FBXO21: variants seen among roughly 807,000 people sequenced by gnomAD.
The protein encoded by FBXO21 is F-box protein 21.
A neutral mutation model predicts 76.6 loss-of-function variants in FBXO21; 32 were observed. The ratio of observed to expected loss-of-function variants is 0.42; its 90% CI spans 0.32 to 0.56. The LOEUF (loss-of-function observed/expected upper bound fraction) is 0.56. Ranked by LOEUF, FBXO21 falls within the 20% of genes least tolerant of loss-of-function variation. FBXO21 has a pLI of 0.16. For missense variants in FBXO21, 586 were observed against 797.3 expected (o/e 0.73, Z 3.19); for synonymous variants, 328 against 311.5 (o/e 1.05, Z -0.56).
intron 3 of FBXO21, among the ~76,000 whole-genome samples, chr12:117,179,167 T>C (rs961360979): frequency 6.6e-6 from 1 of 152,234 alleles, no homozygotes; most frequent in Non-Finnish European, 1.5e-5. Flanking sequence ...TTTTAACCTT[T>C]GAGTTGTAAA....
chr12:117,184,285 C>A (rs923492223), intron 3 of FBXO21, among the ~76,000 whole-genome samples: 1 of 152,044 alleles, frequency 6.6e-6, no homozygotes, highest in African/African-American at 2.4e-5. Flanking sequence ...TTGGGGAGAA[C>A]TGACATTTTT....
intron 3 of FBXO21, among the ~76,000 whole-genome samples, chr12:117,185,509 G>C (rs564913597): frequency 1.8e-4 from 28 of 152,216 alleles, no homozygotes; most frequent in Non-Finnish European, 3.2e-4. Flanking sequence ...AGGAAAGTTA[G>C]GCTGGAAGCC....
rs372253197 is a variant in FBXO21, at chr12:117,150,871, C to CTGTGTGTGTGTGTGTGTGTGTGTG, written c.1676-4618_1676-4595dup. On this transcript the variant is annotated intron_variant, in intron 11 of 11. Coordinates refer to ENST00000622495, the MANE Select transcript of FBXO21 (RefSeq NM_015002.3). Reference sequence around the variant, plus strand: ...GCCAGCAGGTACAGCTGGCCATGGACTGTGTGTGTGTGTGTGTGTGTGTGT... The same window carrying CTGTGTGTGTGTGTGTGTGTGTGTG: ...GCCAGCAGGTACAGCTGGCCATGGACTGTGTGTGTGTGTGTGTGTGTGTGTGTGTGTGTGTGTGTGTGTGTGTGT... Among the ~76,000 whole-genome samples the CTGTGTGTGTGTGTGTGTGTGTGTG allele has an allele frequency of 6.1e-3, 773 of 127,676 alleles. 22 individuals carry two copies. Among genetic ancestry groups the CTGTGTGTGTGTGTGTGTGTGTGTG allele is most frequent in the Admixed American group, 0.015 (179 of 12,042 alleles). The allele number at this position is 127,676 out of a possible 152,430, so 83.8% of individuals were successfully genotyped here.
chr12:117,171,157 C>T (rs565968345), intron 7 of FBXO21, among the ~76,000 whole-genome samples: 3 of 151,832 alleles, frequency 2.0e-5, no homozygotes, highest in South Asian at 4.2e-4. Flanking sequence ...TGAACTCAGG[C>T]GTTCAAGACT....
intron 11 of FBXO21, among the ~76,000 whole-genome samples, chr12:117,149,295 T>C (rs1023981908): frequency 6.6e-6 from 1 of 152,122 alleles, no homozygotes; most frequent in Admixed American, 6.5e-5. Context: ...CCACCACGCC[T>C]GGCCATGTTT....
At chr12:117,177,453 T>C in intron 4 of FBXO21, 67 bp downstream of exon 4, 1 of 1,490,376 alleles carries the variant, frequency 6.7e-7, no homozygotes, top group Non-Finnish European at 9.1e-7. Flanking sequence ...TTCCCTCTGC[T>C]GGTCTTAAAA....
At chr12:117,147,974 G>A (rs1308654103) in intron 11 of FBXO21, among the ~76,000 whole-genome samples, 2 of 152,226 alleles carry the variant, frequency 1.3e-5, no homozygotes, top group Non-Finnish European at 2.9e-5. Context: ...TGGGCTCACC[G>A]ACACGAACAG....
chr12:117,178,479 C>T (rs1956195890), intron 3 of FBXO21, among the ~76,000 whole-genome samples: 2 of 152,082 alleles, frequency 1.3e-5, no homozygotes, highest in Admixed American at 6.6e-5. Context: ...CAATCCTCGC[C>T]TCCAAGTCTC....
Position 117,143,914 on chromosome 12 carries a change from C to A in FBXO21, c.*2173G>T, listed in dbSNP as rs1468075567. 1 of 152,578 alleles carries A rather than the reference C, an allele frequency of 6.6e-6. No individual in the cohort carries two copies. Among genetic ancestry groups the A allele is most frequent in the Non-Finnish European group, 1.5e-5 (1 of 68,014 alleles). 9.5% of individuals were successfully genotyped at this position (152,578 alleles called of 1,614,324 possible). On this transcript the variant is annotated 3_prime_UTR_variant, in exon 12 of 12. Coordinates refer to ENST00000622495, the MANE Select transcript of FBXO21 (RefSeq NM_015002.3). ...TGAAAGTTCAACGTTTATAACAGGG[C>A]TTTTTAAAATGGAGAAAAGTTTTGG... is the stretch of plus-strand genomic sequence containing the variant.
intron 2 of FBXO21, among the ~76,000 whole-genome samples, chr12:117,187,713 T>G (rs564821792): frequency 2.6e-5 from 4 of 152,222 alleles, no homozygotes; most frequent in Non-Finnish European, 5.9e-5. Context: ...AGGCACAGAC[T>G]GTTCAAAACA....
At chr12:117,174,601 C>A in intron 5 of FBXO21, 50 bp downstream of exon 5, 1 of 1,585,174 alleles carries the variant, frequency 6.3e-7, no homozygotes, top group Admixed American at 1.8e-5. Flanking sequence ...TTAACCAATT[C>A]CTCTAGATTT....
chr12:117,146,902 A>G (rs557402972), intron 11 of FBXO21, among the ~76,000 whole-genome samples: 1 of 152,300 alleles, frequency 6.6e-6, no homozygotes, highest in South Asian at 2.1e-4. Flanking sequence ...ATCTCTTGGG[A>G]AAACCATGCT....
At chr12:117,167,251 A>C (rs1278537902) in intron 7 of FBXO21, among the ~76,000 whole-genome samples, 174 bp from the exon 8 acceptor site, 1 of 152,198 alleles carries the variant, frequency 6.6e-6, no homozygotes, top group Non-Finnish European at 1.5e-5. Flanking sequence ...TGCTAAGACC[A>C]CAGCACACTG....
intron 11 of FBXO21, among the ~76,000 whole-genome samples, chr12:117,151,765 C>G (rs555189560): frequency 2.0e-5 from 3 of 152,066 alleles, no homozygotes; most frequent in Admixed American, 1.3e-4. Context: ...AAGGGAGAGG[C>G]AGGGAGGAAG....
chr12:117,175,901 A>C (rs11068387), intron 4 of FBXO21, among the ~76,000 whole-genome samples: 30,051 of 152,194 alleles, frequency 0.2, 3,373 homozygotes, highest in East Asian at 0.41. Context: ...AAAATGAAAA[A>C]GGAGTATTTG....
At chr12:117,168,938 A>G (rs191603085) in intron 7 of FBXO21, among the ~76,000 whole-genome samples, 254 of 152,362 alleles carry the variant, frequency 1.7e-3, no homozygotes, top group African/African-American at 5.5e-3. Flanking sequence ...GCCTGAAGAC[A>G]GCTAAACCAT....
intron 10 of FBXO21, 78 bp from the exon 11 acceptor site, chr12:117,156,026 C>T: frequency 7.3e-7 from 1 of 1,374,390 alleles, no homozygotes; most frequent in Non-Finnish European, 1.0e-6. Flanking sequence ...GGCTTCTCAG[C>T]TCACATCCTC....
chr12:117,181,619 A>AG (rs1313838256), intron 3 of FBXO21, among the ~76,000 whole-genome samples: 37 of 151,792 alleles, frequency 2.4e-4, no homozygotes, highest in African/African-American at 7.5e-4. Flanking sequence ...CTATCTATCT[A>AG]TCTATCTATC....
intron 3 of FBXO21, among the ~76,000 whole-genome samples, chr12:117,182,330 C>A (rs1350791339): frequency 6.6e-6 from 1 of 152,070 alleles, no homozygotes. Flanking sequence ...ACTGTCTCTA[C>A]CAAATAAAAA....
Sources: gnomAD v4.1 joint callset for allele counts (sites outside exome capture counted in the v4.1 genomes callset) on GRCh38, gnomAD v4.1.1 for gene constraint, MANE v1.5 for transcripts, NCBI Gene and HGNC (gene_info 2026-07-23, HGNC 2026-07-21) for gene names.